GPC5: variants seen among roughly 807,000 people sequenced by gnomAD.
The protein encoded by GPC5 is glypican 5.
In GPC5, 47 loss-of-function variants were observed where a neutral mutation model predicts 53.9. That is an observed-to-expected ratio of 0.87 (90% confidence interval 0.69 to 1.11). The LOEUF is 1.11. GPC5 is among the 50% of genes most tolerant of loss of function. GPC5 has a pLI of 0.00. For synonymous variants in GPC5, 286 were observed against 263.3 expected (o/e 1.09, Z -0.84); for missense variants, 748 against 713.1 (o/e 1.05, Z -0.56).
intron 3 of GPC5, among the ~76,000 whole-genome samples, chr13:91,727,415 G>A (rs1252301952): frequency 6.6e-6 from 1 of 152,102 alleles, no homozygotes; most frequent in East Asian, 1.9e-4. Context: ...CTTGCATTTT[G>A]ATGATTGGAA....
chr13:92,632,861 T>C (rs192570995), intron 7 of GPC5, among the ~76,000 whole-genome samples: 26 of 152,214 alleles, frequency 1.7e-4, no homozygotes, highest in Non-Finnish European at 3.1e-4. Flanking sequence ...AGAGAACTTC[T>C]GCAGAGAAAC....
chr13:92,120,083 A>T (rs2041636312), intron 6 of GPC5, among the ~76,000 whole-genome samples: 1 of 152,216 alleles, frequency 6.6e-6, no homozygotes, highest in South Asian at 2.1e-4. Flanking sequence ...CAGGTGTTGA[A>T]GTACTGAACA....
intron 7 of GPC5, among the ~76,000 whole-genome samples, chr13:92,150,614 T>C (rs2041900071): frequency 6.6e-6 from 1 of 152,050 alleles, no homozygotes; most frequent in Admixed American, 6.6e-5. Context: ...ATTAATATAT[T>C]TAAATAGTAG....
intron 7 of GPC5, among the ~76,000 whole-genome samples, chr13:92,338,801 C>A (rs1028315471): frequency 3.3e-5 from 5 of 151,818 alleles, no homozygotes; most frequent in African/African-American, 4.8e-5. Context: ...TTGCATAGTG[C>A]CCTAATTGTG....
intron 7 of GPC5, among the ~76,000 whole-genome samples, chr13:92,277,294 T>TG (rs1346719333): frequency 6.6e-6 from 1 of 152,056 alleles, no homozygotes; most frequent in East Asian, 1.9e-4. Flanking sequence ...CTGAGGTTTC[T>TG]GGGGGAAAAT....
At chr13:92,439,817 C>G (rs9301806) in intron 7 of GPC5, among the ~76,000 whole-genome samples, 20,233 of 152,010 alleles carry the variant, frequency 0.13, 1,774 homozygotes, top group East Asian at 0.47. Flanking sequence ...TAATAGTCAG[C>G]TAGAAGTTAG....
rs552029207 is a variant in GPC5, at chr13:91,911,272, A to C, written c.1401+3215A>C. ...CTGTAAGCAGAAGCTAGCTGGGTGCAGTGGCTCATGCCTGTAATCTCAGCA... is the reference window on the plus strand; with the variant it reads ...CTGTAAGCAGAAGCTAGCTGGGTGCCGTGGCTCATGCCTGTAATCTCAGCA... On this transcript the variant is annotated intron_variant, in intron 6 of 7. Coordinates refer to ENST00000377067, the MANE Select transcript of GPC5 (RefSeq NM_004466.6). 5.4e-4 allele frequency among the ~76,000 whole-genome samples: 82 copies of C among 152,246 alleles called. 1 individual carries two copies. In the South Asian group the frequency reaches 0.016, roughly 30 times the overall value.
chr13:91,568,806 T>A (rs2031654466), intron 2 of GPC5, among the ~76,000 whole-genome samples: 1 of 151,444 alleles, frequency 6.6e-6, no homozygotes, highest in South Asian at 2.1e-4. Flanking sequence ...TGGAGTGCAG[T>A]GGTGCAATCT....
intron 7 of GPC5, among the ~76,000 whole-genome samples, chr13:92,534,931 T>C (rs1308017306): frequency 6.6e-6 from 1 of 152,202 alleles, no homozygotes; most frequent in African/African-American, 2.4e-5. Flanking sequence ...TTTTCAGTTG[T>C]ACTTCCAACG....
intron 7 of GPC5, among the ~76,000 whole-genome samples, chr13:92,679,708 A>G (rs1216535360): frequency 6.6e-6 from 1 of 151,994 alleles, no homozygotes; most frequent in Admixed American, 6.6e-5. Flanking sequence ...TTTTTTCATC[A>G]TGGTTCATCA....
intron 2 of GPC5, among the ~76,000 whole-genome samples, chr13:91,516,030 T>C (rs1000157138): frequency 6.6e-6 from 1 of 152,084 alleles, no homozygotes; most frequent in Admixed American, 6.5e-5. Flanking sequence ...TGGCCCCCCA[T>C]GATTCAATAC....
chr13:92,420,591 A>C (rs1876513747), intron 7 of GPC5, among the ~76,000 whole-genome samples: 1 of 152,036 alleles, frequency 6.6e-6, no homozygotes, highest in African/African-American at 2.4e-5. Context: ...TTATTCTTTC[A>C]AACTGTATTT....
intron 2 of GPC5, among the ~76,000 whole-genome samples, chr13:91,507,223 G>A (rs1566460764): frequency 6.6e-6 from 1 of 152,100 alleles, no homozygotes; most frequent in Admixed American, 6.6e-5. Flanking sequence ...ATAGATATCT[G>A]TCTTCTTGCT....
At chr13:92,791,837 T>C (rs988133160) in intron 7 of GPC5, among the ~76,000 whole-genome samples, 4 of 152,122 alleles carry the variant, frequency 2.6e-5, no homozygotes, top group Non-Finnish European at 5.9e-5. Flanking sequence ...TTTTAAAACT[T>C]TGTAGTAGAA....
intron 7 of GPC5, among the ~76,000 whole-genome samples, chr13:92,387,704 A>T (rs1874803442): frequency 6.6e-6 from 1 of 152,182 alleles, no homozygotes; most frequent in Non-Finnish European, 1.5e-5. Flanking sequence ...GTGGCACTGG[A>T]ATCAGATTTT....
intron 7 of GPC5, among the ~76,000 whole-genome samples, chr13:92,185,784 T>G (rs9523527): frequency 0.49 from 75,086 of 151,934 alleles, 19,117 homozygotes; most frequent in Middle Eastern, 0.7. Context: ...CAAATTAGAA[T>G]ATGTTGATTG....
rs535684573 is a variant in GPC5, at chr13:91,899,558, A to T, written c.1281-8379A>T. Among the ~76,000 whole-genome samples the T allele has an allele frequency of 3.3e-5, 5 of 152,244 alleles. No homozygotes were observed. In the South Asian group the frequency reaches 1.0e-3, roughly 32 times the overall value. On this transcript the variant is annotated intron_variant, in intron 5 of 7. Transcript: ENST00000377067. Reference sequence around the variant, plus strand: ...TTCTGTGTAATGATTTAAATACTGTACCTCCAAAATTTATGTCCACTAGAT... The same window carrying T: ...TTCTGTGTAATGATTTAAATACTGTTCCTCCAAAATTTATGTCCACTAGAT...
intron 7 of GPC5, among the ~76,000 whole-genome samples, chr13:92,401,649 T>C (rs1875564497): frequency 6.6e-6 from 1 of 152,136 alleles, no homozygotes; most frequent in East Asian, 1.9e-4. Context: ...AGACTAGAAA[T>C]ACACAGCAAG....
chr13:92,541,733 TTTTG>T (rs1297881288), intron 7 of GPC5, among the ~76,000 whole-genome samples: 4 of 151,912 alleles, frequency 2.6e-5, no homozygotes, highest in South Asian at 2.1e-4. Flanking sequence ...TTTCTAACTT[TTTTG>T]TTTGTTTGTT....
Sources: gnomAD v4.1 joint callset for allele counts (sites outside exome capture counted in the v4.1 genomes callset) on GRCh38, gnomAD v4.1.1 for gene constraint, MANE v1.5 for transcripts, NCBI Gene and HGNC (gene_info 2026-07-23, HGNC 2026-07-21) for gene names.